Variants in TANK observed in about 807,000 individuals in gnomAD.
TANK encodes TRAF family member associated NFKB activator, also known as TRAF family member-associated NF-kappa-B activator.
Under a neutral mutation model 43.6 loss-of-function variants are expected in TANK, and 15 were observed. The ratio of observed to expected loss-of-function variants is 0.34; its 90% confidence interval spans 0.23 to 0.53. TANK has a LOEUF of 0.53. Among genes scored for constraint, TANK ranks in the 20% least tolerant of loss-of-function variants. TANK has a pLI of 0.94. For synonymous variants in TANK, 162 were observed against 178.2 expected (o/e 0.91, Z 0.73); for missense variants, 417 against 498.6 (o/e 0.84, Z 1.56).
intron 5 of TANK, 37 bp downstream of exon 5, chr2:161,224,028 T>A: frequency 1.6e-6 from 2 of 1,285,918 alleles, no homozygotes; most frequent in Non-Finnish European, 2.2e-6. Flanking sequence ...TCTTAAAAAT[T>A]ATCAATACTG....
chr2:161,179,725 G>A lies in TANK; in HGVS notation c.63G>A (p.Met21Ile). The A allele has an allele frequency of 6.2e-7, 1 of 1,612,442 alleles. No homozygotes were observed. The highest frequency in any genetic ancestry group is 1.1e-5 in the South Asian group (1 of 90,890). Reference sequence around the variant, plus strand: ...ATGAAGCCTTCCGGCAGGCATGCATGGATAGAGATTCTGCAGTAAAAGAAT... The same window carrying A: ...ATGAAGCCTTCCGGCAGGCATGCATAGATAGAGATTCTGCAGTAAAAGAAT... ...KAYEAFRQAC[M>I]DRDSAVKELQ... The change falls in exon 2 of 8, where the codon ATG (methionine) becomes ATA (isoleucine). Residue 21 changes from methionine (M) to isoleucine (I), a missense_variant. By Grantham distance (10) the Met-to-Ile change is conservative. Transcript: ENST00000392749.
At chr2:161,211,808 C>CGTGTTT (rs1347850339) in intron 4 of TANK, 1 of 985,288 alleles carries the variant, frequency 1.0e-6, no homozygotes, top group African/African-American at 1.7e-5. Context: ...TGGAGAAAAA[C>CGTGTTT]GTGTTTGTGT....
intron 4 of TANK, among the ~76,000 whole-genome samples, chr2:161,213,809 A>G (rs963931508): frequency 6.6e-6 from 1 of 151,614 alleles, no homozygotes; most frequent in East Asian, 1.9e-4. Flanking sequence ...ATAGTCTTTG[A>G]TACTGCACTA....
At chr2:161,186,905 C>T (rs1277445198) in intron 2 of TANK, among the ~76,000 whole-genome samples, 1 of 152,080 alleles carries the variant, frequency 6.6e-6, no homozygotes, top group Non-Finnish European at 1.5e-5. Flanking sequence ...GGCCAACAGG[C>T]ATTTTAAAAA....
chr2:161,137,976 AT>A (rs757593453), intron 1 of TANK: 11 of 595,516 alleles, frequency 1.8e-5, no homozygotes, highest in African/African-American at 4.1e-5. Context: ...CAAAAAAAAA[AT>A]AATAATAATG....
intron 1 of TANK, among the ~76,000 whole-genome samples, chr2:161,162,098 C>G (rs966149357): frequency 6.6e-6 from 1 of 152,044 alleles, no homozygotes; most frequent in African/African-American, 2.4e-5. Context: ...GAAATCATTT[C>G]TCTCCCAACT....
chr2:161,224,043 A>G (rs752453227), intron 5 of TANK, 52 bp downstream of exon 5: 5 of 1,184,206 alleles, frequency 4.2e-6, no homozygotes, highest in Non-Finnish European at 5.9e-6. Flanking sequence ...ATACTGAAAT[A>G]TATTTTATAT....
chr2:161,183,419 GTTC>G (rs1054240833), intron 2 of TANK, among the ~76,000 whole-genome samples: 2 of 151,958 alleles, frequency 1.3e-5, no homozygotes, highest in South Asian at 2.1e-4. Flanking sequence ...AAAACTCAAC[GTTC>G]TTCTTAGGTT....
At chr2:161,169,189 A>T (rs1185596386) in intron 1 of TANK, among the ~76,000 whole-genome samples, 15 of 152,238 alleles carry the variant, frequency 9.9e-5, no homozygotes, top group Admixed American at 9.8e-4. Context: ...TCCATCAGGC[A>T]TAGAGAGCAA....
chr2:161,138,187 T>C (rs777971836), intron 1 of TANK, among the ~76,000 whole-genome samples: 1 of 152,174 alleles, frequency 6.6e-6, no homozygotes, highest in Non-Finnish European at 1.5e-5. Context: ...TTAAATACCA[T>C]GTAATATTTC....
At chr2:161,167,924 G>A (rs1226024197) in intron 1 of TANK, among the ~76,000 whole-genome samples, 1 of 151,902 alleles carries the variant, frequency 6.6e-6, no homozygotes, top group Non-Finnish European at 1.5e-5. Context: ...GTGCCTGGCC[G>A]CAACCAGGTT....
intron 2 of TANK, among the ~76,000 whole-genome samples, chr2:161,187,848 A>G (rs1252449231): frequency 6.6e-6 from 1 of 152,220 alleles, no homozygotes; most frequent in East Asian, 1.9e-4. Context: ...GATTAAAATC[A>G]TGCTAAGTAT....
chr2:161,151,330 T>A (rs191706919), intron 1 of TANK, among the ~76,000 whole-genome samples: 2 of 152,286 alleles, frequency 1.3e-5, no homozygotes, highest in Admixed American at 1.3e-4. Flanking sequence ...TTCTTTTGGA[T>A]CTTCTGTTTT....
intron 4 of TANK, among the ~76,000 whole-genome samples, chr2:161,214,092 G>A (rs1429344618): frequency 6.6e-6 from 1 of 152,032 alleles, no homozygotes; most frequent in Non-Finnish European, 1.5e-5. Context: ...CAAGTATTGG[G>A]CATCTGTCAA....
At chr2:161,188,646 A>G (rs1685774609) in intron 2 of TANK, among the ~76,000 whole-genome samples, 1 of 152,224 alleles carries the variant, frequency 6.6e-6, no homozygotes, top group Admixed American at 6.5e-5. Flanking sequence ...AAACTTGAAC[A>G]GTATGTAACA....
At chr2:161,211,380 A>G (rs1686880488) in intron 4 of TANK, among the ~76,000 whole-genome samples, 1 of 152,206 alleles carries the variant, frequency 6.6e-6, no homozygotes, top group South Asian at 2.1e-4. Context: ...TCAACACTCC[A>G]GACACTTTCT....
At chr2:161,193,994 T>C (rs764275662) in intron 2 of TANK, among the ~76,000 whole-genome samples, 1 of 152,206 alleles carries the variant, frequency 6.6e-6, no homozygotes, top group Non-Finnish European at 1.5e-5. Context: ...CAAGACTCCA[T>C]AATATGGAAT....
chr2:161,168,200 A>G lies in TANK; in HGVS notation c.-50+7714A>G, dbSNP rs76722510. On this transcript the variant is annotated intron_variant, in intron 1 of 7. Coordinates refer to ENST00000392749, the MANE Select transcript of TANK (RefSeq NM_001199135.3). The stretch of plus-strand genomic sequence containing the variant: ...TGCCTCTCTGGGCCTGATAATTAAA[A>G]TGGGTTTGCACTCCTCACATTAAAA... 9.8e-3 allele frequency among the ~76,000 whole-genome samples: 1,496 copies of G among 152,248 alleles called. 16 individuals are homozygous for G. The highest frequency in any genetic ancestry group is 0.024 in the Middle Eastern group (7 of 294).
At chr2:161,184,884 C>G (rs1685587243) in intron 2 of TANK, among the ~76,000 whole-genome samples, 1 of 152,102 alleles carries the variant, frequency 6.6e-6, no homozygotes, top group Non-Finnish European at 1.5e-5. Flanking sequence ...AGAAGAAGTT[C>G]TGAATTGGAA....
Sources: gnomAD v4.1 joint callset for allele counts (sites outside exome capture counted in the v4.1 genomes callset) on GRCh38, gnomAD v4.1.1 for gene constraint, MANE v1.5 for transcripts, NCBI Gene and HGNC (gene_info 2026-07-23, HGNC 2026-07-21) for gene names.